The following KIAA1217 variants were observed in gnomAD, a reference collection of about 807,000 sequenced individuals.
The protein encoded by KIAA1217 is sickle tail protein homolog.
KIAA1217 carries 88 observed loss-of-function variants against 163.9 expected under a neutral mutation model. The ratio of observed to expected loss-of-function variants is 0.54; its 90% CI spans 0.45 to 0.64. The LOEUF (loss-of-function observed/expected upper bound fraction) is 0.64, where lower values mean the gene tolerates loss of function less well. Ranked by LOEUF, KIAA1217 falls within the 30% of genes least tolerant of loss-of-function variation. The pLI, the probability that KIAA1217 is intolerant of heterozygous loss-of-function variation, is 0.00. For missense variants in KIAA1217, 2,372 were observed against 2,475.0 expected (o/e 0.96, Z 0.88); for synonymous variants, 903 against 923.1 (o/e 0.98, Z 0.39).
intron 2 of KIAA1217, among the ~76,000 whole-genome samples, chr10:24,268,278 G>A (rs899590293): frequency 2.6e-5 from 4 of 152,124 alleles, no homozygotes; most frequent in African/African-American, 7.2e-5. Flanking sequence ...TTTTAAATTA[G>A]GTGGGTGAAT....
At chr10:24,239,870 CTGATGCTT>C (rs1443097981) in intron 2 of KIAA1217, among the ~76,000 whole-genome samples, 1 of 151,940 alleles carries the variant, frequency 6.6e-6, no homozygotes, top group Non-Finnish European at 1.5e-5. Context: ...AAGTATGTAT[CTGATGCTT>C]TTCTCACCGA....
rs1217168822 is a variant in KIAA1217 at position 24,543,291 on chromosome 10, AT to A, written c.4022del (p.Ile1341ThrfsTer10). The stretch of plus-strand genomic sequence containing the variant: ...TTTTAAAACAGAAGATCAAGAGGTT[AT>A]CACGACAGATTTTGGCCAAGTTGTT... Reference protein sequence around the residue: ...HDFKTEDQEVITTDFGQVVLR... With the variant: ...HDFKTEDQEVXTTDFGQVVLR... On this transcript the variant is annotated frameshift_variant, in exon 19 of 21. Coordinates refer to ENST00000376454, the MANE Select transcript of KIAA1217 (RefSeq NM_019590.5). LOFTEE classifies it high-confidence loss of function. The A allele has an allele frequency of 5.0e-6, 8 of 1,614,176 alleles. No homozygotes were observed. The highest frequency in any genetic ancestry group is 5.9e-6 in the Non-Finnish European group (7 of 1,180,028).
chr10:24,192,736 G>T (rs1373227556), intron 2 of KIAA1217, among the ~76,000 whole-genome samples: 1 of 152,172 alleles, frequency 6.6e-6, no homozygotes, highest in Non-Finnish European at 1.5e-5. Flanking sequence ...TGTCTGGGGT[G>T]GTGCTTACAG....
intron 1 of KIAA1217, among the ~76,000 whole-genome samples, chr10:23,935,354 A>G (rs1843481343): frequency 6.6e-6 from 1 of 152,172 alleles, no homozygotes; most frequent in South Asian, 2.1e-4. Flanking sequence ...ACCTCAGATC[A>G]CTGCGAGAAA....
At chr10:24,239,173 G>C in intron 2 of KIAA1217, 1 of 985,274 alleles carries the variant, frequency 1.0e-6, no homozygotes, top group Non-Finnish European at 1.2e-6. Flanking sequence ...CAAATGACGA[G>C]AGTTTCACTG....
At chr10:23,765,857 A>G (rs1355851772) in intron 1 of KIAA1217, among the ~76,000 whole-genome samples, 3 of 152,208 alleles carry the variant, frequency 2.0e-5, no homozygotes, top group Admixed American at 6.5e-5. Context: ...AGAGTTCTTT[A>G]TAGCAGTGTG....
chr10:23,856,995 C>T (rs1317597483), intron 1 of KIAA1217, among the ~76,000 whole-genome samples: 5 of 152,224 alleles, frequency 3.3e-5, no homozygotes, highest in African/African-American at 4.8e-5. Flanking sequence ...TGCTTTGGCT[C>T]GCACATGGTG....
upstream of KIAA1217, among the ~76,000 whole-genome samples, chr10:24,205,302 CAA>C (rs61292023): frequency 3.5e-3 from 127 of 36,600 alleles, no homozygotes; most frequent in East Asian, 0.12. Flanking sequence ...ACTAAAAATA[CAA>C]AAAAAAAAAA....
At chr10:24,345,256 A>G (rs1209465133) in intron 2 of KIAA1217, among the ~76,000 whole-genome samples, 3 of 152,252 alleles carry the variant, frequency 2.0e-5, no homozygotes, top group Non-Finnish European at 2.9e-5. Flanking sequence ...GATGGCACTT[A>G]GGGACAGCTG....
intron 1 of KIAA1217, among the ~76,000 whole-genome samples, chr10:23,881,434 A>C (rs1408387900): frequency 1.3e-5 from 2 of 151,928 alleles, no homozygotes; most frequent in Non-Finnish European, 2.9e-5. Context: ...TTAAATATTT[A>C]TGCTTCTTTG....
intron 6 of KIAA1217, chr10:24,482,084 C>T (rs954474803): frequency 2.0e-5 from 3 of 152,158 alleles, no homozygotes; most frequent in Admixed American, 6.5e-5. Flanking sequence ...GCATCAGATA[C>T]TTGATAAACA....
chr10:24,463,643 T>A (rs986731289), intron 5 of KIAA1217, among the ~76,000 whole-genome samples: 1 of 152,226 alleles, frequency 6.6e-6, no homozygotes, highest in Non-Finnish European at 1.5e-5. Flanking sequence ...TTTGAGCAAA[T>A]GTAATTTTTT....
rs771932954 is a variant in KIAA1217, at chr10:24,209,259, G to A, written c.66G>A (p.Met22Ile). The change falls in exon 1 of 21, where the codon ATG becomes ATA. Residue 22 changes from methionine (M) to isoleucine (I), a missense_variant. Physicochemically the swap from Met to Ile is conservative, Grantham distance 10. Around this residue, in one of 3 missense-constraint regions of KIAA1217, gnomAD observed 1,431 missense variants for 1,470.3 expected, o/e 0.97. Transcript: ENST00000376454. ...CLPYSADRRQ[M>I]QEQGKGNLHV... ...CTTACTCAGCAGACAGAAGACAGAT[G>A]CAGGGTAAGTAACAGACCCATTCAA... 7 of 1,612,792 alleles carry A rather than the reference G, an allele frequency of 4.3e-6. No homozygotes were observed. In the Admixed American group the frequency reaches 1.2e-4, roughly 27 times the overall value.
At position 24,099,569 on chromosome 10, in the gene KIAA1217, T is replaced by TTA. The variant is rs529207171; in HGVS notation, c.-171+92211_-171+92212dup. 7.7e-3 allele frequency among the ~76,000 whole-genome samples: 1,111 copies of TTA among 144,162 alleles called. 17 individuals carry two copies. Among genetic ancestry groups the TTA allele is most frequent in the Middle Eastern group, 0.033 (9 of 274 alleles). The allele number at this position is 144,162 out of a possible 152,430, so 94.6% of individuals were successfully genotyped here. A position where few individuals can be genotyped will look rare whatever the true frequency, so the allele number is the denominator to read the frequency against. ...ATGGTGTATATGTGCCACATTTTCTTTATATATATATATATATTATATATA... is the reference window on the plus strand; with the variant it reads ...ATGGTGTATATGTGCCACATTTTCTTTATATATATATATATATATTATATATA... On this transcript the variant is annotated intron_variant, in intron 2 of 18. Coordinates refer to the KIAA1217 transcript ENST00000376462.
At chr10:24,249,350 G>A (rs2074218314) in intron 2 of KIAA1217, among the ~76,000 whole-genome samples, 1 of 152,180 alleles carries the variant, frequency 6.6e-6, no homozygotes, top group Non-Finnish European at 1.5e-5. Context: ...GGGAAAGGGG[G>A]TAGAATTGAG....
At chr10:23,799,774 C>T (rs1836383554) in intron 1 of KIAA1217, among the ~76,000 whole-genome samples, 1 of 152,132 alleles carries the variant, frequency 6.6e-6, no homozygotes, top group Non-Finnish European at 1.5e-5. Context: ...AGAAACCTAG[C>T]AGCTGCCATT....
intron 2 of KIAA1217, among the ~76,000 whole-genome samples, chr10:24,138,600 G>A (rs1207956796): frequency 7.4e-6 from 1 of 135,656 alleles, no homozygotes; most frequent in Non-Finnish European, 1.5e-5. Context: ...AATCGACTTA[G>A]TTAATTTCCT....
chr10:23,931,772 T>C (rs1843261355), intron 1 of KIAA1217, among the ~76,000 whole-genome samples: 1 of 152,182 alleles, frequency 6.6e-6, no homozygotes, highest in African/African-American at 2.4e-5. Flanking sequence ...CTTAAAACTT[T>C]TGTGTATCAG....
intron 1 of KIAA1217, among the ~76,000 whole-genome samples, chr10:23,714,234 C>T (rs1419013876): frequency 6.8e-6 from 1 of 147,530 alleles, no homozygotes; most frequent in Non-Finnish European, 1.5e-5. Flanking sequence ...TCAGCTGGAA[C>T]TATTGCAATA....
Sources: gnomAD v4.1 joint callset for allele counts (sites outside exome capture counted in the v4.1 genomes callset) on GRCh38, gnomAD v4.1.1 for gene constraint, gnomAD v4.1.1 regional missense constraint, MANE v1.5 for transcripts, NCBI Gene and HGNC (gene_info 2026-07-23, HGNC 2026-07-21) for gene names.